Variants in GRAMD1B observed in about 807,000 individuals in gnomAD.
The protein encoded by GRAMD1B is protein Aster-B.
A neutral mutation model predicts 99.7 loss-of-function variants in GRAMD1B; 37 were observed. The observed-to-expected ratio is 0.37, with a 90% CI of 0.29 to 0.49. The LOEUF (loss-of-function observed/expected upper bound fraction) is 0.49, where lower values mean the gene tolerates loss of function less well. GRAMD1B is among the 20% of genes least tolerant of loss of function. The probability of loss-of-function intolerance (pLI) is 0.98; values close to 1 mark genes in which losing one functional copy is unlikely to be tolerated. For synonymous variants in GRAMD1B, 427 were observed against 387.6 expected (o/e 1.10, Z -1.19); for missense variants, 888 against 1,009.2 (o/e 0.88, Z 1.63).
At chr11:123,378,950 C>A (rs937700612) in intron 1 of GRAMD1B, among the ~76,000 whole-genome samples, 2 of 152,094 alleles carry the variant, frequency 1.3e-5, no homozygotes, top group African/African-American at 4.8e-5. Context: ...TTATTCTTTT[C>A]TTTTTTGAGG....
Position 123,594,729 on chromosome 11 carries a change from C to T in GRAMD1B, c.770-6C>T. 13 of 1,498,450 alleles carry T rather than the reference C, an allele frequency of 8.7e-6. No individual in the cohort carries two copies. The highest frequency in any genetic ancestry group is 1.2e-5 in the Non-Finnish European group (13 of 1,074,416). 92.8% of individuals were successfully genotyped at this position (1,498,450 alleles called of 1,614,324 possible). On this transcript the variant is annotated splice_polypyrimidine_tract_variant and splice_region_variant and intron_variant, in intron 5 of 19. Transcript: ENST00000635736. ...CTGAGCTCCCCTACCTCCGCTCCTA[C>T]CACAGATTACTCATGTGCACTCCAA...
At chr11:123,403,988 C>T (rs1473000021) in intron 1 of GRAMD1B, among the ~76,000 whole-genome samples, 4 of 152,100 alleles carry the variant, frequency 2.6e-5, no homozygotes, top group African/African-American at 4.8e-5. Context: ...TTTTTGTTAA[C>T]CTTATTTTTT....
chr11:123,520,498 C>T (rs1330828312), intron 2 of GRAMD1B, among the ~76,000 whole-genome samples: 3 of 152,010 alleles, frequency 2.0e-5, no homozygotes, highest in South Asian at 2.1e-4. Context: ...TAGGGGGGCG[C>T]GATGGCTCAC....
At chr11:123,380,209 G>A (rs1946826915) in intron 1 of GRAMD1B, among the ~76,000 whole-genome samples, 1 of 152,096 alleles carries the variant, frequency 6.6e-6, no homozygotes, top group South Asian at 2.1e-4. Flanking sequence ...ACCCTTTATT[G>A]CTTGTCCTTT....
chr11:123,452,510 G>T (rs929124910), intron 1 of GRAMD1B, among the ~76,000 whole-genome samples: 6 of 152,124 alleles, frequency 3.9e-5, no homozygotes. Context: ...GCCAGGCGTG[G>T]TGATGGGTAC....
intron 2 of GRAMD1B, among the ~76,000 whole-genome samples, chr11:123,487,674 G>A (rs1021312086): frequency 2.6e-5 from 4 of 152,096 alleles, no homozygotes; most frequent in Admixed American, 6.6e-5. Context: ...ATGCAATCTC[G>A]GCTCACTGCA....
At chr11:123,463,272 C>A (rs2134528202) in intron 1 of GRAMD1B, among the ~76,000 whole-genome samples, 1 of 152,342 alleles carries the variant, frequency 6.6e-6, no homozygotes, top group East Asian at 1.9e-4. Context: ...CTTGGCTTCC[C>A]AAATTGCTGG....
intron 2 of GRAMD1B, chr11:123,559,729 G>A: frequency 1.0e-6 from 1 of 979,316 alleles, no homozygotes; most frequent in Non-Finnish European, 1.2e-6. Flanking sequence ...TGCTGTCTGT[G>A]AGAGCCTGAC....
chr11:123,599,670 G>A (rs557453304), intron 7 of GRAMD1B, among the ~76,000 whole-genome samples: 4 of 152,232 alleles, frequency 2.6e-5, no homozygotes, highest in South Asian at 2.1e-4. Context: ...GCAGGGTTTC[G>A]CCATGTTGGC....
intron 2 of GRAMD1B, among the ~76,000 whole-genome samples, chr11:123,523,058 G>A (rs1340881638): frequency 3.9e-5 from 6 of 152,256 alleles, no homozygotes; most frequent in African/African-American, 7.2e-5. Flanking sequence ...TAGGCTGGGC[G>A]CGGTGGCTCA....
In GRAMD1B at chr11:123,471,988, C is replaced by G. The variant is rs563530819; in HGVS notation, c.375-8828C>G. 2.0e-5 allele frequency among the ~76,000 whole-genome samples: 3 copies of G among 152,226 alleles called. No homozygotes were observed. The East Asian group carries it at 5.8e-4, about 29-fold the overall frequency. ...GGCCATCAAGAGAGGAAAACTAACG[C>G]TGGGTGTGGTGGCTCATGCCTATAA... On this transcript the variant is annotated intron_variant, in intron 1 of 19. Coordinates refer to ENST00000635736, the MANE Select transcript of GRAMD1B (RefSeq NM_001387025.1).
At chr11:123,495,114 TAC>T (rs10695354) in intron 2 of GRAMD1B, among the ~76,000 whole-genome samples, 255 of 148,496 alleles carry the variant, frequency 1.7e-3, no homozygotes, top group East Asian at 5.6e-3. Flanking sequence ...TATATATACA[TAC>T]ACACACACAC....
At chr11:123,566,433 A>G (rs568375150) in intron 2 of GRAMD1B, among the ~76,000 whole-genome samples, 9 of 152,350 alleles carry the variant, frequency 5.9e-5, no homozygotes, top group Admixed American at 2.6e-4. Context: ...AGACATGTCT[A>G]TCAGAGTGGC....
intron 2 of GRAMD1B, among the ~76,000 whole-genome samples, chr11:123,526,429 G>A (rs1942754908): frequency 6.6e-6 from 1 of 152,160 alleles, no homozygotes; most frequent in Non-Finnish European, 1.5e-5. Context: ...GAATCAAATT[G>A]CAGCTAAAAC....
chr11:123,389,410 G>A (rs996129827), intron 1 of GRAMD1B, among the ~76,000 whole-genome samples: 1 of 151,704 alleles, frequency 6.6e-6, no homozygotes, highest in African/African-American at 2.4e-5. Flanking sequence ...CCCAACTGAG[G>A]CAGCTTCTGT....
intron 1 of GRAMD1B, among the ~76,000 whole-genome samples, chr11:123,379,489 A>G (rs1382211470): frequency 1.3e-5 from 2 of 152,104 alleles, no homozygotes; most frequent in Non-Finnish European, 2.9e-5. Context: ...AAGTTCATCC[A>G]TGTTTTAGCA....
rs577261090 is a variant in GRAMD1B, at chr11:123,407,807, G to C, written c.-176+49008G>C. On this transcript the variant is annotated intron_variant, in intron 1 of 20. Coordinates refer to the GRAMD1B transcript ENST00000638157. ...AACCACTGAATGCTGCTTGTGTACTGCCTGTAAACTAAGCTCTGCAAATAC... is the reference window on the plus strand; with the variant it reads ...AACCACTGAATGCTGCTTGTGTACTCCCTGTAAACTAAGCTCTGCAAATAC... Among the ~76,000 whole-genome samples, 3 of 152,274 alleles carry C rather than the reference G, an allele frequency of 2.0e-5. No individual in the cohort carries two copies. The South Asian group carries it at 6.2e-4, about 32-fold the overall frequency.
At chr11:123,564,367 T>A (rs1056320418) in intron 2 of GRAMD1B, among the ~76,000 whole-genome samples, 1 of 152,228 alleles carries the variant, frequency 6.6e-6, no homozygotes, top group Non-Finnish European at 1.5e-5. Flanking sequence ...TTTGTCATCC[T>A]CCTCCATGTC....
chr11:123,583,241 CTGTG>C (rs533183456), intron 3 of GRAMD1B, among the ~76,000 whole-genome samples: 9 of 138,686 alleles, frequency 6.5e-5, no homozygotes, highest in African/African-American at 2.5e-4. Flanking sequence ...GTGTGCATGT[CTGTG>C]TGAATGTGTG....
Sources: allele counts gnomAD v4.1 joint callset (sites outside exome capture counted in the v4.1 genomes callset), GRCh38; gene constraint gnomAD v4.1.1; transcripts MANE v1.5; gene names NCBI Gene and HGNC (gene_info 2026-07-23, HGNC 2026-07-21).